EIF4H: variants seen among roughly 807,000 people sequenced by gnomAD.
EIF4H encodes the protein eukaryotic translation initiation factor 4H.
In EIF4H, 8 loss-of-function variants were observed where a neutral mutation model predicts 30.6. The ratio of observed to expected loss-of-function variants is 0.26; its 90% CI spans 0.15 to 0.47. The LOEUF is 0.47. EIF4H is among the 20% of genes least tolerant of loss of function. The pLI is 0.99. For synonymous variants in EIF4H, 106 were observed against 122.7 expected (o/e 0.86, Z 0.90); for missense variants, 188 against 339.5 (o/e 0.55, Z 3.51).
chr7:74,191,192 G>A (rs938355614), intron 5 of EIF4H: 6 of 533,878 alleles, frequency 1.1e-5, no homozygotes, highest in South Asian at 8.4e-5. Flanking sequence ...GTTCTTAAAA[G>A]TCCTGTAGCC....
rs1290317522 is a variant in EIF4H, at chr7:74,177,128, TA to T, written c.59+2689del. 3.9e-5 allele frequency among the ~76,000 whole-genome samples: 6 copies of T among 152,296 alleles called. 1 individual carries two copies. The South Asian group carries it at 1.0e-3, about 26-fold the overall frequency. On this transcript the variant is annotated intron_variant, in intron 1 of 6. Coordinates refer to ENST00000265753, the MANE Select transcript of EIF4H (RefSeq NM_022170.2). Reference sequence around the variant, plus strand: ...AGTTAGGGAGTTTAGAATTCTTTTTTAAATAGAGATGGGTTTCACTATGTTG... The same window carrying T: ...AGTTAGGGAGTTTAGAATTCTTTTTTAATAGAGATGGGTTTCACTATGTTG...
chr7:74,191,298 G>A (rs1373494469), intron 5 of EIF4H: 2 of 532,442 alleles, frequency 3.8e-6, no homozygotes, highest in East Asian at 5.5e-5. Flanking sequence ...TGCAGCAGCT[G>A]TCTTCTTAGA....
At position 74,196,935 on chromosome 7, in the gene EIF4H, A is replaced by T. The variant is rs1270215312; in HGVS notation, c.*1627A>T. On this transcript the variant is annotated 3_prime_UTR_variant, in exon 7 of 7. Transcript: ENST00000265753. ...CATCTTCAATGTGGATAAGATAAAG[A>T]ACAAAACACATGCATCTAAACTGCT... 16 of 152,618 alleles carry T rather than the reference A, an allele frequency of 1.0e-4. No homozygotes were observed. The highest frequency in any genetic ancestry group is 2.1e-4 in the Non-Finnish European group (14 of 68,042). The allele number at this position is 152,618 out of a possible 1,614,324, so 9.5% of individuals were successfully genotyped here.
At chr7:74,192,883 G>T (rs1189952039) in intron 5 of EIF4H, among the ~76,000 whole-genome samples, 1 of 151,774 alleles carries the variant, frequency 6.6e-6, no homozygotes, top group African/African-American at 2.4e-5. Context: ...TCTCCGTGTT[G>T]GTCAGGCTGG....
chr7:74,178,641 T>C (rs561163935), intron 1 of EIF4H, among the ~76,000 whole-genome samples: 15 of 152,154 alleles, frequency 9.9e-5, no homozygotes, highest in Non-Finnish European at 1.8e-4. Flanking sequence ...AAGCAGACTC[T>C]GAATGTCTTT....
At chr7:74,194,982 G>A (rs1361672452) in intron 6 of EIF4H, 104 bp downstream of exon 6, 22 of 1,506,892 alleles carry the variant, frequency 1.5e-5, no homozygotes, top group Middle Eastern at 1.8e-4. Context: ...CAGAGTTGTC[G>A]GCATAGATCC....
chr7:74,176,476 A>G (rs1243471335), intron 1 of EIF4H, among the ~76,000 whole-genome samples: 2 of 152,206 alleles, frequency 1.3e-5, no homozygotes, highest in Non-Finnish European at 2.9e-5. Context: ...GAAGATTGCC[A>G]CCTATGGAAA....
At chr7:74,182,198 G>A (rs1054723682) in intron 1 of EIF4H, among the ~76,000 whole-genome samples, 6 of 152,216 alleles carry the variant, frequency 3.9e-5, no homozygotes, top group East Asian at 1.9e-4. Context: ...TTTAGAACAC[G>A]AACCAAAGCA....
At position 74,190,835 on chromosome 7, in the gene EIF4H, C is replaced by T. The variant is rs150727739; in HGVS notation, c.469+529C>T. On this transcript the variant is annotated intron_variant, in intron 5 of 6. Coordinates refer to ENST00000265753, the MANE Select transcript of EIF4H (RefSeq NM_022170.2). Reference sequence around the variant, plus strand: ...GTATAGCACAAAGCATCAGTCCACACGCCAGGCCTCTGCCCTGCAGGGTGA... The same window carrying T: ...GTATAGCACAAAGCATCAGTCCACATGCCAGGCCTCTGCCCTGCAGGGTGA... Among the ~76,000 whole-genome samples the T allele has an allele frequency of 9.3e-3, 1,410 of 151,880 alleles. 11 individuals are homozygous for T. The highest frequency in any genetic ancestry group is 0.014 in the Non-Finnish European group (943 of 67,924).
Position 74,190,787 on chromosome 7 carries a change from C to A in EIF4H, c.469+481C>A, listed in dbSNP as rs141131422. 1.0e-3 allele frequency among the ~76,000 whole-genome samples: 153 copies of A among 152,184 alleles called. 1 individual carries two copies. Among genetic ancestry groups the A allele is most frequent in the Middle Eastern group, 3.4e-3 (1 of 294 alleles). ...GCACTTCGCCGTTCTCTTTCTTAGC[C>A]AACCCAGGCAGAGCAGCTGGTGGTA... is the stretch of plus-strand genomic sequence containing the variant. On this transcript the variant is annotated intron_variant, in intron 5 of 6. Transcript: ENST00000265753.
chr7:74,188,000 C>T (rs1174730291), intron 2 of EIF4H, among the ~76,000 whole-genome samples: 1 of 152,190 alleles, frequency 6.6e-6, no homozygotes, highest in Non-Finnish European at 1.5e-5. Flanking sequence ...GTTTTGTACA[C>T]AGTGTAGTTC....
chr7:74,181,841 C>T (rs1426595576), intron 1 of EIF4H, among the ~76,000 whole-genome samples: 1 of 151,890 alleles, frequency 6.6e-6, no homozygotes, highest in African/African-American at 2.4e-5. Context: ...CTCAGCCTCC[C>T]GAGTAGCTGG....
intron 1 of EIF4H, among the ~76,000 whole-genome samples, chr7:74,180,746 C>T (rs78701916): frequency 5.9e-5 from 9 of 152,276 alleles, no homozygotes; most frequent in Non-Finnish European, 1.2e-4. Flanking sequence ...TGAGGACCTT[C>T]GAAAGAAGCC....
chr7:74,175,617 G>A (rs1800820770), intron 1 of EIF4H, among the ~76,000 whole-genome samples: 1 of 151,948 alleles, frequency 6.6e-6, no homozygotes, highest in Non-Finnish European at 1.5e-5. Context: ...CATTTTATTT[G>A]CTAATAAAAA....
At chr7:74,175,730 T>G (rs1284496427) in intron 1 of EIF4H, among the ~76,000 whole-genome samples, 1 of 152,100 alleles carries the variant, frequency 6.6e-6, no homozygotes, top group Non-Finnish European at 1.5e-5. Context: ...CTAGGGTTTT[T>G]TTTTTTTTCC....
chr7:74,183,102 G>A (rs2115953819), intron 1 of EIF4H, among the ~76,000 whole-genome samples: 1 of 152,318 alleles, frequency 6.6e-6, no homozygotes. Context: ...ATGCAGATAC[G>A]TGGTTGATTT....
chr7:74,185,791 C>A (rs1049475210), intron 1 of EIF4H, among the ~76,000 whole-genome samples: 2 of 151,860 alleles, frequency 1.3e-5, no homozygotes, highest in Non-Finnish European at 2.9e-5. Flanking sequence ...TTGGGCAGGT[C>A]TTGGGTTGTT....
chr7:74,180,469 A>AT (rs1199197767), intron 1 of EIF4H, among the ~76,000 whole-genome samples: 3 of 152,156 alleles, frequency 2.0e-5, no homozygotes, highest in Non-Finnish European at 4.4e-5. Context: ...TGAAGCTGTG[A>AT]TTTTTCTTCC....
chr7:74,180,266 G>A (rs1386665177), intron 1 of EIF4H, among the ~76,000 whole-genome samples: 1 of 152,120 alleles, frequency 6.6e-6, no homozygotes, highest in Non-Finnish European at 1.5e-5. Context: ...AAAAAACTTA[G>A]TACCCATGTC....
Sources: allele counts gnomAD v4.1 joint callset (sites outside exome capture counted in the v4.1 genomes callset), GRCh38; gene constraint gnomAD v4.1.1; transcripts MANE v1.5; gene names NCBI Gene and HGNC (gene_info 2026-07-23, HGNC 2026-07-21).